Variants in MAGI2 observed in about 807,000 individuals in gnomAD.
The protein encoded by MAGI2 is membrane-associated guanylate kinase, WW and PDZ domain-containing protein 2.
A neutral mutation model predicts 133.3 loss-of-function variants in MAGI2; 35 were observed. The observed-to-expected ratio is 0.26, with a 90% CI of 0.20 to 0.35. The LOEUF (loss-of-function observed/expected upper bound fraction) is 0.35. Among genes scored for constraint, MAGI2 ranks in the 10% least tolerant of loss-of-function variants. The pLI, the probability that MAGI2 is intolerant of heterozygous loss-of-function variation, is 1.00. For missense variants in MAGI2, 1,636 were observed against 1,863.4 expected (o/e 0.88, Z 2.25); for synonymous variants, 729 against 710.6 (o/e 1.03, Z -0.41).
At chr7:79,044,609 A>C (rs562290908) in intron 1 of MAGI2, among the ~76,000 whole-genome samples, 1 of 151,934 alleles carries the variant, frequency 6.6e-6, no homozygotes, top group African/African-American at 2.4e-5. Context: ...AAGGCACTCA[A>C]ATAGGAAGAA....
chr7:78,545,073 A>G (rs1358331427), intron 3 of MAGI2, among the ~76,000 whole-genome samples: 1 of 151,782 alleles, frequency 6.6e-6, no homozygotes, highest in African/African-American at 2.4e-5. Flanking sequence ...TTAAGCTCCT[A>G]GAGGGCAGGT....
At chr7:78,585,651 T>C (rs370354225) in intron 3 of MAGI2, among the ~76,000 whole-genome samples, 1 of 152,118 alleles carries the variant, frequency 6.6e-6, no homozygotes, top group East Asian at 1.9e-4. Context: ...GCAAAGGCAA[T>C]GGCAGTGATA....
chr7:78,889,307 A>G (rs1200339222), intron 2 of MAGI2, among the ~76,000 whole-genome samples: 1 of 152,250 alleles, frequency 6.6e-6, no homozygotes, highest in Non-Finnish European at 1.5e-5. Flanking sequence ...AACACTTTGC[A>G]GGATATTATC....
chr7:79,351,390 T>C (rs781025799), intron 1 of MAGI2, among the ~76,000 whole-genome samples: 168 of 152,284 alleles, frequency 1.1e-3, no homozygotes, highest in Non-Finnish European at 8.2e-4. Flanking sequence ...TACAGAACTG[T>C]ACCAACACAG....
chr7:78,421,779 G>C (rs1798821665), intron 6 of MAGI2, among the ~76,000 whole-genome samples: 1 of 152,134 alleles, frequency 6.6e-6, no homozygotes, highest in African/African-American at 2.4e-5. Context: ...ACTCCAGCCT[G>C]GGTGATCAAG....
At chr7:79,349,593 A>G (rs1841559665) in intron 1 of MAGI2, among the ~76,000 whole-genome samples, 1 of 151,946 alleles carries the variant, frequency 6.6e-6, no homozygotes, top group African/African-American at 2.4e-5. Context: ...GAGGTTGAGT[A>G]ATTTGGTCAA....
intron 6 of MAGI2, among the ~76,000 whole-genome samples, chr7:78,472,159 T>C (rs1186704445): frequency 6.6e-6 from 1 of 152,124 alleles, no homozygotes; most frequent in Non-Finnish European, 1.5e-5. Flanking sequence ...CTTATCCTTT[T>C]AAATGTTGCA....
At chr7:78,108,648 G>A (rs1583938149) in intron 20 of MAGI2, among the ~76,000 whole-genome samples, 2 of 58,398 alleles carry the variant, frequency 3.4e-5, no homozygotes, top group Admixed American at 2.3e-4. Context: ...CTGTATGTGT[G>A]TGTGTGTGTG....
intron 6 of MAGI2, among the ~76,000 whole-genome samples, chr7:78,455,972 C>T (rs1043899388): frequency 1.5e-5 from 2 of 130,664 alleles, no homozygotes; most frequent in Non-Finnish European, 3.0e-5. Context: ...TTTAAAGAGA[C>T]CCACTCGATA....
intron 9 of MAGI2, among the ~76,000 whole-genome samples, chr7:78,322,912 T>C (rs1251977248): frequency 6.6e-6 from 1 of 152,116 alleles, no homozygotes; most frequent in Non-Finnish European, 1.5e-5. Flanking sequence ...AGTTTTCTGG[T>C]ATGACACTGA....
At chr7:79,376,028 AC>A (rs771941871) in intron 1 of MAGI2, among the ~76,000 whole-genome samples, 34 of 151,696 alleles carry the variant, frequency 2.2e-4, no homozygotes, top group Non-Finnish European at 4.1e-4. Context: ...CCTAGGAAAA[AC>A]CTTTTTTCAT....
intron 1 of MAGI2, among the ~76,000 whole-genome samples, chr7:79,264,106 T>C (rs1299737425): frequency 1.3e-5 from 2 of 152,204 alleles, no homozygotes. Context: ...TCTTTTTTCA[T>C]ACTTAGTCTG....
At chr7:78,102,825 G>A (rs1268916826) in intron 20 of MAGI2, among the ~76,000 whole-genome samples, 1 of 152,214 alleles carries the variant, frequency 6.6e-6, no homozygotes, top group Non-Finnish European at 1.5e-5. Context: ...CATAAGAGCA[G>A]AACTGCTTTG....
At position 78,343,825 on chromosome 7, in the gene MAGI2, C is replaced by G; in HGVS notation, c.1361G>C (p.Ser454Thr). 1 of 1,611,208 alleles carries G rather than the reference C, an allele frequency of 6.2e-7. No individual in the cohort carries two copies. The highest frequency in any genetic ancestry group is 8.5e-7 in the Non-Finnish European group (1 of 1,178,950). Residue 454 changes from serine to threonine, a missense_variant, in exon 9 of 22, where the codon AGT becomes ACT. Physicochemically the swap from Ser to Thr is moderately conservative, Grantham distance 58. Transcript: ENST00000354212. ...DEPDEFLQVK[S>T]VIPDGPAAQD... ...TGCTGCAGGCCCATCCGGAATCACACTTTTCACCTGCAGAAACTCATCAGG... is the reference window on the plus strand; with the variant it reads ...TGCTGCAGGCCCATCCGGAATCACAGTTTTCACCTGCAGAAACTCATCAGG...
intron 1 of MAGI2, among the ~76,000 whole-genome samples, chr7:79,186,729 G>GTATA (rs371482167): frequency 2.5e-5 from 3 of 121,920 alleles, no homozygotes; most frequent in African/African-American, 1.1e-4. Context: ...TTATACAAAA[G>GTATA]TATATATATA....
intron 9 of MAGI2, among the ~76,000 whole-genome samples, chr7:78,343,352 C>T (rs995800470): frequency 1.3e-5 from 2 of 151,800 alleles, no homozygotes; most frequent in Admixed American, 6.6e-5. Context: ...TAAAGTTTTC[C>T]GTATGAGATG....
intron 19 of MAGI2, among the ~76,000 whole-genome samples, chr7:78,126,909 G>A (rs1158129536): frequency 6.6e-6 from 1 of 152,202 alleles, no homozygotes; most frequent in East Asian, 1.9e-4. Flanking sequence ...AAACGTACAA[G>A]GAGTTAGCTA....
At chr7:78,434,891 A>G (rs1412532350) in intron 6 of MAGI2, among the ~76,000 whole-genome samples, 1 of 152,152 alleles carries the variant, frequency 6.6e-6, no homozygotes, top group Admixed American at 6.5e-5. Context: ...ACTCCATCCT[A>G]TGAGGGAGTT....
chr7:79,377,247 A>G (rs1339541608), intron 1 of MAGI2, among the ~76,000 whole-genome samples: 1 of 151,794 alleles, frequency 6.6e-6, no homozygotes, highest in African/African-American at 2.4e-5. Flanking sequence ...TATCACAGGC[A>G]TGACACAGTA....
Sources: allele counts gnomAD v4.1 joint callset (sites outside exome capture counted in the v4.1 genomes callset), GRCh38; gene constraint gnomAD v4.1.1; transcripts MANE v1.5; gene names NCBI Gene and HGNC (gene_info 2026-07-23, HGNC 2026-07-21).